PIK3CD: variants seen among roughly 807,000 people sequenced by gnomAD.
The protein encoded by PIK3CD is phosphatidylinositol-4,5-bisphosphate 3-kinase catalytic subunit delta, also known as phosphatidylinositol 4,5-bisphosphate 3-kinase catalytic subunit delta isoform.
PIK3CD carries 20 observed loss-of-function variants against 122.9 expected under a neutral mutation model. The observed-to-expected ratio is 0.16, with a 90% CI of 0.11 to 0.24. The LOEUF (loss-of-function observed/expected upper bound fraction) is 0.24. PIK3CD is among the 10% of genes least tolerant of loss of function. The pLI is 1.00. For synonymous variants in PIK3CD, 596 were observed against 593.4 expected, an observed-to-expected ratio of 1.00 and a Z score of -0.06; for missense variants, 787 against 1,406.3, an observed-to-expected ratio of 0.56 and a Z score of 7.04.
In PIK3CD at chr1:9,720,481, G is replaced by T; in HGVS notation, c.1471-130G>T. On this transcript the variant is annotated intron_variant, in intron 11 of 23. Transcript: ENST00000377346. This position sits in a 1 kb window ranked among gnomAD's most constrained non-coding sequence, Gnocchi z 9.0. Reference sequence around the variant, plus strand: ...CATCTCGTGAGTGGAGGCCAGAGCTGCTGTGGATGCGCCTCCATGCAGAGG... The same window carrying T: ...CATCTCGTGAGTGGAGGCCAGAGCTTCTGTGGATGCGCCTCCATGCAGAGG... 1 of 1,501,362 alleles carries T rather than the reference G, an allele frequency of 6.7e-7. No homozygotes were observed. The highest frequency in any genetic ancestry group is 9.0e-7 in the Non-Finnish European group (1 of 1,115,676). The allele number at this position is 1,501,362 out of a possible 1,614,324, so 93.0% of individuals were successfully genotyped here.
chr1:9,628,874 G>A, the PIK3CD span, among the ~76,000 whole-genome samples: 1 of 152,180 alleles, frequency 6.6e-6, no homozygotes, highest in Non-Finnish European at 1.5e-5. Context: ...GGGTGATCCC[G>A]AGGACTCAGA....
the PIK3CD span, among the ~76,000 whole-genome samples, chr1:9,632,034 T>C: frequency 5.3e-5 from 8 of 151,392 alleles, no homozygotes; most frequent in African/African-American, 1.7e-4. Context: ...TTTTTTGAGA[T>C]GGAATTTTGC....
chr1:9,712,343 T>C (rs1204943221), intron 3 of PIK3CD, among the ~76,000 whole-genome samples: 2 of 150,868 alleles, frequency 1.3e-5, no homozygotes, highest in Non-Finnish European at 3.0e-5. Flanking sequence ...TGCAGTGGTG[T>C]GATCTTGGCT....
rs372407810 is a variant in PIK3CD, at chr1:9,718,952, C to T, written c.1242+37C>T. On this transcript the variant is annotated intron_variant, in intron 9 of 23. Coordinates refer to ENST00000377346, the MANE Select transcript of PIK3CD (RefSeq NM_005026.5). This position sits in a 1 kb window ranked among gnomAD's most constrained non-coding sequence, Gnocchi z 7.2. ...GGCCGGCTGGGAGGGGTGCAGACCCCGGAGAGCCAGTACAGCCCCTTGCTG... is the reference window on the plus strand; with the variant it reads ...GGCCGGCTGGGAGGGGTGCAGACCCTGGAGAGCCAGTACAGCCCCTTGCTG... 3.5e-5 allele frequency: 56 copies of T among 1,587,760 alleles called. No homozygotes were observed. Among genetic ancestry groups the T allele is most frequent in the African/African-American group, 5.4e-5 (4 of 74,384 alleles).
At chr1:9,694,198 A>G (rs1051975206) in intron 2 of PIK3CD, among the ~76,000 whole-genome samples, 1 of 152,204 alleles carries the variant, frequency 6.6e-6, no homozygotes, top group Non-Finnish European at 1.5e-5. Flanking sequence ...CACGAGAAAA[A>G]TAACTGTCAC....
At chr1:9,629,024 C>A in the PIK3CD span, among the ~76,000 whole-genome samples, 1 of 144,456 alleles carries the variant, frequency 6.9e-6, no homozygotes, top group African/African-American at 2.5e-5. Flanking sequence ...AGGGGCGGGC[C>A]TGGGTGGGGA....
chr1:9,710,632 CAG>C lies in PIK3CD; in HGVS notation c.141+58_141+59del, dbSNP rs34885574. ...CATCCGGTCCTCAGACCTTGGTGCT[CAG>C]AGAGAGAGAGAGAGAGAGAGACACA... On this transcript the variant is annotated intron_variant, in intron 3 of 23. Coordinates refer to ENST00000377346, the MANE Select transcript of PIK3CD (RefSeq NM_005026.5). This position sits in a 1 kb window ranked among gnomAD's most constrained non-coding sequence, Gnocchi z 4.7. The C allele has an allele frequency of 0.097, 131,778 of 1,356,284 alleles. No homozygotes were observed. Among genetic ancestry groups the C allele is most frequent in the Non-Finnish European group, 0.11 (105,033 of 986,344 alleles). 84.0% of individuals were successfully genotyped at this position (1,356,284 alleles called of 1,614,324 possible).
rs1648264578 is a variant in PIK3CD at position 9,720,073 on chromosome 1, T to G, written c.1340-39T>G. 1 of 1,613,200 alleles carries G rather than the reference T, an allele frequency of 6.2e-7. No individual in the cohort carries two copies. The highest frequency in any genetic ancestry group is 1.7e-5 in the Admixed American group (1 of 60,000). ...GGGAGTGTGAGGGTCCCAGAGATGC[T>G]GGTCACCCCTCTACAACTTCATCTG... On this transcript the variant is annotated intron_variant, in intron 10 of 23. Transcript: ENST00000377346. The surrounding 1 kb of genome is among the most constrained non-coding windows in gnomAD (Gnocchi z 9.0).
At chr1:9,686,300 CCTT>C (rs775936567) in intron 1 of PIK3CD, among the ~76,000 whole-genome samples, 1 of 152,044 alleles carries the variant, frequency 6.6e-6, no homozygotes. Flanking sequence ...GCCAAGCAAT[CCTT>C]CTCCCTTGGC....
In PIK3CD at chr1:9,710,186, A is replaced by G. The variant is rs1646992413; in HGVS notation, c.-32-238A>G. 4.0e-6 allele frequency: 2 copies of G among 500,068 alleles called. No individual in the cohort carries two copies. The highest frequency in any genetic ancestry group is 7.3e-6 in the Non-Finnish European group (2 of 272,680). 31.0% of individuals were successfully genotyped at this position (500,068 alleles called of 1,614,324 possible). ...CTGTGCGTGCTCCTGTGGGGAGGAC[A>G]TGCAGTGTCTGCCTGGGAGAAGAGG... is the stretch of plus-strand genomic sequence containing the variant. On this transcript the variant is annotated intron_variant, in intron 2 of 23. Transcript: ENST00000377346. This position sits in a 1 kb window ranked among gnomAD's most constrained non-coding sequence, Gnocchi z 4.7.
intron 1 of PIK3CD, chr1:9,687,669 G>C (rs1646022280): frequency 6.6e-6 from 1 of 152,264 alleles, no homozygotes; most frequent in Non-Finnish European, 1.5e-5. Context: ...CCAGGGTGCG[G>C]GCGGGTGAGT....
In PIK3CD at chr1:9,729,077, G is replaced by A. The variant is rs1426019295; in HGVS notation, c.*2031G>A. 2 of 152,338 alleles carry A rather than the reference G, an allele frequency of 1.3e-5. No homozygotes were observed. Among genetic ancestry groups the A allele is most frequent in the East Asian group, 3.9e-4 (2 of 5,180 alleles). The allele number at this position is 152,338 out of a possible 1,614,324, so 9.4% of individuals were successfully genotyped here. Reference sequence around the variant, plus strand: ...GCGGATACACTTTCTGACCTATCATGAGTATACACATCTGCGAAGGGAAAC... The same window carrying A: ...GCGGATACACTTTCTGACCTATCATAAGTATACACATCTGCGAAGGGAAAC... On this transcript the variant is annotated 3_prime_UTR_variant, in exon 24 of 24. Transcript: ENST00000377346.
chr1:9,697,156 G>C (rs949454033), intron 2 of PIK3CD, among the ~76,000 whole-genome samples: 6 of 151,778 alleles, frequency 4.0e-5, no homozygotes, highest in African/African-American at 9.7e-5. Context: ...GGGATCACTT[G>C]AGCCCAGGAG....
chr1:9,675,781 T>C lies in PIK3CD; in HGVS notation c.-137-15686T>C, dbSNP rs531441536. On this transcript the variant is annotated intron_variant, in intron 1 of 23. Coordinates refer to ENST00000377346, the MANE Select transcript of PIK3CD (RefSeq NM_005026.5). ...GTTTTTGTTTTGTTTTTTCCTTTTT[T>C]TAGAAACAGGGTCTCGCTGTGTCAC... 3.3e-5 allele frequency among the ~76,000 whole-genome samples: 5 copies of C among 151,868 alleles called. No individual in the cohort carries two copies. The East Asian group carries it at 9.7e-4, about 29-fold the overall frequency.
rs1224850251 is a variant in PIK3CD at position 9,724,546 on chromosome 1, A to G, written c.2864+125A>G. On this transcript the variant is annotated intron_variant, in intron 22 of 23. Coordinates refer to ENST00000377346, the MANE Select transcript of PIK3CD (RefSeq NM_005026.5). This position sits in a 1 kb window ranked among gnomAD's most constrained non-coding sequence, Gnocchi z 7.3. The stretch of plus-strand genomic sequence containing the variant: ...ACCCCACACCTGGCCCCTCACCCCA[A>G]CTGTTGATGGGTTTGGAACATGCCC... 1 of 1,152,298 alleles carries G rather than the reference A, an allele frequency of 8.7e-7. No homozygotes were observed. Among genetic ancestry groups the G allele is most frequent in the African/African-American group, 1.5e-5 (1 of 65,556 alleles). 71.4% of individuals were successfully genotyped at this position (1,152,298 alleles called of 1,614,324 possible). A position where few individuals can be genotyped will look rare whatever the true frequency, so the allele number is the denominator to read the frequency against.
intron 3 of PIK3CD, among the ~76,000 whole-genome samples, chr1:9,713,978 G>C (rs1570350820): frequency 1.3e-5 from 2 of 150,834 alleles, no homozygotes; most frequent in South Asian, 2.1e-4. Flanking sequence ...TCAGCCTCCT[G>C]AGTAGCTGGG....
At chr1:9,699,591 T>C (rs959327817) in intron 2 of PIK3CD, among the ~76,000 whole-genome samples, 1 of 143,136 alleles carries the variant, frequency 7.0e-6, no homozygotes, top group African/African-American at 2.9e-5. Flanking sequence ...CTCAGGGCCT[T>C]TGTACTTTCT....
chr1:9,723,084 T>C lies in PIK3CD; in HGVS notation c.2427-41T>C. ...GCTCAAGTGGCCTCAGGGACAGCCC[T>C]TGACCATGCCATTTGCCCGTCCCTC... On this transcript the variant is annotated intron_variant, in intron 19 of 23. Transcript: ENST00000377346. The surrounding 1 kb of genome is among the most constrained non-coding windows in gnomAD (Gnocchi z 4.9). The C allele has an allele frequency of 6.2e-7, 1 of 1,607,062 alleles. No individual in the cohort carries two copies. The highest frequency in any genetic ancestry group is 2.2e-5 in the East Asian group (1 of 44,842).
At chr1:9,713,020 G>GA (rs978094150) in intron 3 of PIK3CD, among the ~76,000 whole-genome samples, 2 of 151,972 alleles carry the variant, frequency 1.3e-5, no homozygotes, top group African/African-American at 4.8e-5. Flanking sequence ...CATCTCTACT[G>GA]AAAATACAAA....
Sources: gnomAD v4.1 joint callset for allele counts (sites outside exome capture counted in the v4.1 genomes callset) on GRCh38, gnomAD v4.1.1 for gene constraint, Gnocchi (gnomAD v3.1) non-coding constraint, MANE v1.5 for transcripts, NCBI Gene and HGNC (gene_info 2026-07-23, HGNC 2026-07-21) for gene names.